ZNF678: variants seen among roughly 807,000 people sequenced by gnomAD.
ZNF678 encodes hypothetical protein MGC42493.
Under a neutral mutation model 3.0 loss-of-function variants are expected in ZNF678, and 5 were observed. The observed-to-expected ratio is 1.69, with a 90% CI of 0.88 to 3.56. The LOEUF (loss-of-function observed/expected upper bound fraction) is 3.56. Among genes scored for constraint, ZNF678 ranks in the 30% most tolerant of loss-of-function variants. The pLI is 0.00. For missense variants in ZNF678, 593 were observed against 605.0 expected (o/e 0.98, Z 0.21); for synonymous variants, 218 against 199.6 (o/e 1.09, Z -0.78).
At chr1:227,611,438 T>C (rs1395375494) in intron 1 of ZNF678, among the ~76,000 whole-genome samples, 2 of 152,210 alleles carry the variant, frequency 1.3e-5, no homozygotes, top group African/African-American at 2.4e-5. Flanking sequence ...GTTCTTTTCT[T>C]GGCTAAAGAG....
At chr1:227,599,233 T>C (rs1170560156) in intron 1 of ZNF678, 3 of 722,410 alleles carry the variant, frequency 4.2e-6, no homozygotes, top group Non-Finnish European at 6.9e-6. Flanking sequence ...TTTTTAACAG[T>C]ATTGATCACA....
At chr1:227,568,529 C>T (rs888018129) in intron 1 of ZNF678, among the ~76,000 whole-genome samples, 4 of 152,182 alleles carry the variant, frequency 2.6e-5, no homozygotes, top group East Asian at 1.9e-4. Flanking sequence ...GGATTGCCTA[C>T]GCACCCAATC....
At chr1:227,631,960 A>T (rs184034953) in intron 1 of ZNF678, among the ~76,000 whole-genome samples, 1 of 152,350 alleles carries the variant, frequency 6.6e-6, no homozygotes, top group African/African-American at 2.4e-5. Context: ...CAGTTGTTAA[A>T]GTACTGGGTC....
chr1:227,602,517 A>G (rs1008777377), intron 1 of ZNF678, among the ~76,000 whole-genome samples: 1 of 152,222 alleles, frequency 6.6e-6, no homozygotes, highest in Non-Finnish European at 1.5e-5. Flanking sequence ...CCTATATACC[A>G]TAAGATAACA....
intron 1 of ZNF678, among the ~76,000 whole-genome samples, chr1:227,620,903 C>G (rs2102769853): frequency 6.6e-6 from 1 of 152,148 alleles, no homozygotes; most frequent in South Asian, 2.1e-4. Context: ...GACATGTTTG[C>G]TTCTTCCTGT....
At chr1:227,601,710 A>G (rs1003605946) in intron 1 of ZNF678, among the ~76,000 whole-genome samples, 2 of 151,798 alleles carry the variant, frequency 1.3e-5, no homozygotes, top group African/African-American at 4.8e-5. Context: ...GATTACAGGC[A>G]TGTGCCAACA....
At chr1:227,578,312 A>G (rs946457808) in intron 1 of ZNF678, among the ~76,000 whole-genome samples, 30 of 152,214 alleles carry the variant, frequency 2.0e-4, no homozygotes, top group Non-Finnish European at 1.5e-5. Context: ...GTTCTCGTGG[A>G]TGACATCCTG....
intron 1 of ZNF678, among the ~76,000 whole-genome samples, chr1:227,617,831 T>C (rs1658178860): frequency 6.6e-6 from 1 of 152,130 alleles, no homozygotes; most frequent in African/African-American, 2.4e-5. Flanking sequence ...TGAACCAAAG[T>C]GTGATCCCAG....
chr1:227,570,534 A>G lies in ZNF678; in HGVS notation c.-164+6810A>G, dbSNP rs577468295. On this transcript the variant is annotated intron_variant, in intron 1 of 3. Transcript: ENST00000343776. ...AATGCCCTGTATCCCAAAGCTCACTATACTGTCCAGGCTGTTCTTGAACTC... is the reference window on the plus strand; with the variant it reads ...AATGCCCTGTATCCCAAAGCTCACTGTACTGTCCAGGCTGTTCTTGAACTC... Among the ~76,000 whole-genome samples, 22 of 152,304 alleles carry G rather than the reference A, an allele frequency of 1.4e-4. No homozygotes were observed. The South Asian group carries it at 4.4e-3, about 30-fold the overall frequency.
intron 1 of ZNF678, among the ~76,000 whole-genome samples, chr1:227,586,746 A>T (rs1260465924): frequency 6.6e-6 from 1 of 152,178 alleles, no homozygotes; most frequent in Non-Finnish European, 1.5e-5. Context: ...GGCATGTGAG[A>T]ATATGTAGTT....
rs1172176059 is a variant in ZNF678, at chr1:227,651,015, TG to T, written c.26del (p.Gly9ValfsTer36). MGTISLCI[G>X]VCAFEGANTS... ...TAATGGGCACAATATCACTTTGCATTGGTGTCTGTGCATTTGAAGGAGCAAA... is the reference window on the plus strand; with the variant it reads ...TAATGGGCACAATATCACTTTGCATTGTGTCTGTGCATTTGAAGGAGCAAA... On this transcript the variant is annotated frameshift_variant, in exon 3 of 4. Coordinates refer to ENST00000343776, the MANE Select transcript of ZNF678 (RefSeq NM_001367909.1). LOFTEE classifies it high-confidence loss of function. The T allele has an allele frequency of 3.7e-6, 6 of 1,613,324 alleles. No individual in the cohort carries two copies. Among genetic ancestry groups the T allele is most frequent in the Non-Finnish European group, 5.1e-6 (6 of 1,179,790 alleles).
intron 1 of ZNF678, among the ~76,000 whole-genome samples, chr1:227,565,068 T>A (rs796093996): frequency 2.3e-5 from 3 of 130,866 alleles, no homozygotes; most frequent in South Asian, 2.9e-4. Context: ...TTTTTTTTTT[T>A]TTTTTTTTTT....
chr1:227,579,127 G>C (rs955983898), intron 1 of ZNF678, among the ~76,000 whole-genome samples: 2 of 152,092 alleles, frequency 1.3e-5, no homozygotes, highest in African/African-American at 4.8e-5. Flanking sequence ...TATATATGGT[G>C]GGGGGTGAGG....
downstream of ZNF678, among the ~76,000 whole-genome samples, chr1:227,678,698 A>C (rs1394209503): frequency 1.3e-5 from 2 of 152,208 alleles, no homozygotes; most frequent in Non-Finnish European, 2.9e-5. Flanking sequence ...TAAGATACCC[A>C]AAAATACACA....
chr1:227,630,336 C>T (rs1658519033), intron 1 of ZNF678, among the ~76,000 whole-genome samples: 1 of 152,172 alleles, frequency 6.6e-6, no homozygotes, highest in Admixed American at 6.5e-5. Context: ...TCTGATTCTG[C>T]ATCCCAATGG....
In ZNF678 at chr1:227,568,551, C is replaced by G. The variant is rs76281409; in HGVS notation, c.-164+4827C>G. On this transcript the variant is annotated intron_variant, in intron 1 of 3. Transcript: ENST00000343776. ...CTACGCACCCAATCTTCTCCTGCCACTTTCCTTTGCTGTATACAGATCTTT... is the reference window on the plus strand; with the variant it reads ...CTACGCACCCAATCTTCTCCTGCCAGTTTCCTTTGCTGTATACAGATCTTT... 4.1e-3 allele frequency among the ~76,000 whole-genome samples: 619 copies of G among 152,348 alleles called. 6 individuals carry two copies. The highest frequency in any genetic ancestry group is 0.014 in the African/African-American group (588 of 41,584).
intron 1 of ZNF678, among the ~76,000 whole-genome samples, chr1:227,620,787 A>G (rs573714420): frequency 6.6e-6 from 1 of 152,240 alleles, no homozygotes; most frequent in Non-Finnish European, 1.5e-5. Flanking sequence ...AGTGTGTGGC[A>G]TTATTAGGTT....
At chr1:227,614,903 T>G (rs764309276) in intron 1 of ZNF678, among the ~76,000 whole-genome samples, 27 of 152,222 alleles carry the variant, frequency 1.8e-4, no homozygotes, top group Non-Finnish European at 3.4e-4. Flanking sequence ...TACTTGTGTT[T>G]TTTCACTAGT....
In ZNF678 at chr1:227,584,842, C is replaced by T. The variant is rs114363777; in HGVS notation, c.-164+21118C>T. 7.9e-3 allele frequency among the ~76,000 whole-genome samples: 1,198 copies of T among 152,218 alleles called. 26 individuals are homozygous for T. The highest frequency in any genetic ancestry group is 0.028 in the African/African-American group (1,144 of 41,516). On this transcript the variant is annotated intron_variant, in intron 1 of 3. Coordinates refer to ENST00000343776, the MANE Select transcript of ZNF678 (RefSeq NM_001367909.1). Reference sequence around the variant, plus strand: ...CAGGGTGATCAGACTTGTGCGATGGCGGACAGTGAGAAACCTTATGAAACA... The same window carrying T: ...CAGGGTGATCAGACTTGTGCGATGGTGGACAGTGAGAAACCTTATGAAACA...
Sources: gnomAD v4.1 joint callset for allele counts (sites outside exome capture counted in the v4.1 genomes callset) on GRCh38, gnomAD v4.1.1 for gene constraint, MANE v1.5 for transcripts, NCBI Gene and HGNC (gene_info 2026-07-23, HGNC 2026-07-21) for gene names.